LRRTM4: variants seen among roughly 807,000 people sequenced by gnomAD.
LRRTM4 encodes leucine rich repeat transmembrane neuronal 4, also known as leucine-rich repeat transmembrane neuronal protein 4.
LRRTM4 carries 25 observed loss-of-function variants against 47.6 expected under a neutral mutation model. That is an observed-to-expected ratio of 0.53 (90% CI 0.38 to 0.73). LRRTM4 has a LOEUF of 0.73. Among genes scored for constraint, LRRTM4 ranks in the 30% least tolerant of loss-of-function variants. The probability of loss-of-function intolerance (pLI) is 0.00; values close to 1 mark genes in which losing one functional copy is unlikely to be tolerated. For missense variants in LRRTM4, 638 were observed against 713.4 expected, an observed-to-expected ratio of 0.89 and a Z score of 1.20; for synonymous variants, 311 against 269.5, an observed-to-expected ratio of 1.15 and a Z score of -1.51.
intron 3 of LRRTM4, among the ~76,000 whole-genome samples, chr2:76,819,296 G>A (rs1339734191): frequency 1.3e-5 from 2 of 151,602 alleles, no homozygotes; most frequent in Admixed American, 1.3e-4. Context: ...ATACAGATGA[G>A]GAAACTGAAT....
At chr2:77,108,263 AAG>A (rs949235328) in intron 3 of LRRTM4, among the ~76,000 whole-genome samples, 2 of 152,138 alleles carry the variant, frequency 1.3e-5, no homozygotes, top group African/African-American at 4.8e-5. Context: ...AGTAAACAAA[AAG>A]AAAGAGAAAG....
intron 3 of LRRTM4, among the ~76,000 whole-genome samples, chr2:77,320,049 T>C (rs918828343): frequency 6.6e-6 from 1 of 152,206 alleles, no homozygotes; most frequent in Non-Finnish European, 1.5e-5. Flanking sequence ...ACCGGCCTAT[T>C]AATTTCAGGC....
intron 3 of LRRTM4, among the ~76,000 whole-genome samples, chr2:77,318,971 T>A (rs999414164): frequency 6.6e-6 from 1 of 152,040 alleles, no homozygotes; most frequent in Non-Finnish European, 1.5e-5. Context: ...ACTGAGATAG[T>A]CAAGGATAAC....
At chr2:77,013,384 T>C (rs993774797) in intron 3 of LRRTM4, among the ~76,000 whole-genome samples, 1 of 152,150 alleles carries the variant, frequency 6.6e-6, no homozygotes, top group East Asian at 1.9e-4. Flanking sequence ...GATATTACTG[T>C]GGAGCAACTT....
chr2:77,348,063 A>G (rs1457163409), intron 3 of LRRTM4, among the ~76,000 whole-genome samples: 1 of 151,792 alleles, frequency 6.6e-6, no homozygotes, highest in Non-Finnish European at 1.5e-5. Context: ...TTACTTATAT[A>G]TGTTTTTTTA....
chr2:77,391,628 A>T (rs2103815405), intron 3 of LRRTM4, among the ~76,000 whole-genome samples: 1 of 152,098 alleles, frequency 6.6e-6, no homozygotes, highest in South Asian at 2.1e-4. Context: ...AAGAAACATC[A>T]TTCACTATAG....
intron 3 of LRRTM4, among the ~76,000 whole-genome samples, chr2:76,822,049 T>C (rs981234849): frequency 2.6e-5 from 4 of 151,556 alleles, no homozygotes; most frequent in African/African-American, 7.3e-5. Context: ...ACAAACCAAA[T>C]TGGGCCCATG....
chr2:77,426,713 T>A (rs528101252), intron 3 of LRRTM4, among the ~76,000 whole-genome samples: 1 of 152,190 alleles, frequency 6.6e-6, no homozygotes, highest in East Asian at 1.9e-4. Context: ...CTTTCACTTA[T>A]TCCTCAGATT....
At chr2:76,859,133 T>G (rs1489491882) in intron 3 of LRRTM4, among the ~76,000 whole-genome samples, 1 of 152,272 alleles carries the variant, frequency 6.6e-6, no homozygotes, top group African/African-American at 2.4e-5. Flanking sequence ...TTCATAAAAA[T>G]ACCATAAAGT....
At chr2:77,374,890 T>C (rs1286839653) in intron 3 of LRRTM4, among the ~76,000 whole-genome samples, 1 of 151,738 alleles carries the variant, frequency 6.6e-6, no homozygotes, top group Non-Finnish European at 1.5e-5. Context: ...TAATTTTTTT[T>C]TCTCTGTGAA....
At chr2:77,229,550 C>T (rs928786995) in intron 3 of LRRTM4, among the ~76,000 whole-genome samples, 6 of 152,034 alleles carry the variant, frequency 3.9e-5, no homozygotes, top group African/African-American at 9.7e-5. Context: ...CAGAATTACC[C>T]GGCATCCTTA....
rs141836239 is a variant in LRRTM4 at position 77,218,226 on chromosome 2, T to C, written c.1551+300092A>G. Among the ~76,000 whole-genome samples, 554 of 152,274 alleles carry C rather than the reference T, an allele frequency of 3.6e-3. 1 individual carries two copies. The highest frequency in any genetic ancestry group is 6.8e-3 in the Non-Finnish European group (464 of 68,018). On this transcript the variant is annotated intron_variant, in intron 3 of 3. Transcript: ENST00000409884. The stretch of plus-strand genomic sequence containing the variant: ...TCAGGCTGGTCTCGAACTCCCCACC[T>C]CAGGCGATCTGCCCACCTCTGCCTC...
chr2:77,425,983 G>C (rs1372053925), intron 3 of LRRTM4, among the ~76,000 whole-genome samples: 3 of 151,812 alleles, frequency 2.0e-5, no homozygotes, highest in Admixed American at 1.3e-4. Flanking sequence ...TGGCATGGTG[G>C]TGCATGCCTG....
intron 3 of LRRTM4, among the ~76,000 whole-genome samples, chr2:77,094,766 T>G (rs1670762012): frequency 6.6e-6 from 1 of 152,164 alleles, no homozygotes. Flanking sequence ...GGTCACATCA[T>G]ATACAAAAAT....
chr2:77,274,458 A>G lies in LRRTM4; in HGVS notation c.1551+243860T>C, dbSNP rs149750833. ...TATCTCTTATGGGAAGAATTTTTTT[A>G]TTTAAAGAACTAACAGATATGCTTC... is the stretch of plus-strand genomic sequence containing the variant. On this transcript the variant is annotated intron_variant, in intron 3 of 3. Transcript: ENST00000409884. Among the ~76,000 whole-genome samples the G allele has an allele frequency of 7.7e-4, 117 of 152,274 alleles. 2 individuals are homozygous for G. Among genetic ancestry groups the G allele is most frequent in the African/African-American group, 2.7e-3 (111 of 41,574 alleles).
intron 3 of LRRTM4, among the ~76,000 whole-genome samples, chr2:77,268,245 C>T (rs1457062285): frequency 2.0e-5 from 3 of 152,216 alleles, no homozygotes; most frequent in Admixed American, 6.5e-5. Flanking sequence ...CAATACCCAT[C>T]GTATTCCCCT....
At chr2:76,959,948 T>C (rs1675799303) in intron 3 of LRRTM4, among the ~76,000 whole-genome samples, 1 of 151,688 alleles carries the variant, frequency 6.6e-6, no homozygotes, top group Non-Finnish European at 1.5e-5. Context: ...CCAATACCAT[T>C]GCCTTCATAG....
At chr2:76,885,624 T>C (rs1046077268) in intron 3 of LRRTM4, among the ~76,000 whole-genome samples, 27 of 151,768 alleles carry the variant, frequency 1.8e-4, no homozygotes, top group Non-Finnish European at 2.5e-4. Flanking sequence ...CGCCACCACG[T>C]CCGGCTAATT....
At chr2:77,391,911 G>A (rs1212597196) in intron 3 of LRRTM4, among the ~76,000 whole-genome samples, 3 of 151,854 alleles carry the variant, frequency 2.0e-5, no homozygotes, top group Admixed American at 2.0e-4. Flanking sequence ...GCCTGACTCT[G>A]GTACGGCAAC....
Sources: allele counts gnomAD v4.1 joint callset (sites outside exome capture counted in the v4.1 genomes callset), GRCh38; gene constraint gnomAD v4.1.1; transcripts MANE v1.5; gene names NCBI Gene and HGNC (gene_info 2026-07-23, HGNC 2026-07-21).